The following NAALADL2 variants were observed in gnomAD, a reference collection of about 807,000 sequenced individuals.
NAALADL2 encodes inactive N-acetylated-alpha-linked acidic dipeptidase-like protein 2.
A neutral mutation model predicts 87.2 loss-of-function variants in NAALADL2; 76 were observed. That is an observed-to-expected ratio of 0.87 (90% CI 0.72 to 1.05). The LOEUF (loss-of-function observed/expected upper bound fraction) is 1.05. Ranked by LOEUF, NAALADL2 falls within the 50% of genes least tolerant of loss-of-function variation. NAALADL2 has a pLI of 0.00. For synonymous variants in NAALADL2, 354 were observed against 331.0 expected (o/e 1.07, Z -0.75); for missense variants, 1,089 against 945.8 (o/e 1.15, Z -1.99).
At chr3:175,529,547 T>C (rs1582268523) in intron 9 of NAALADL2, among the ~76,000 whole-genome samples, 1 of 152,146 alleles carries the variant, frequency 6.6e-6, no homozygotes, top group East Asian at 1.9e-4. Context: ...TACATGGCCT[T>C]CTGGAGAACT....
At chr3:174,940,701 C>T (rs576236127) in intron 1 of NAALADL2, among the ~76,000 whole-genome samples, 3 of 151,954 alleles carry the variant, frequency 2.0e-5, no homozygotes, top group South Asian at 2.1e-4. Context: ...AGCTCATTAT[C>T]GGTCTGATCA....
intron 2 of NAALADL2, among the ~76,000 whole-genome samples, chr3:175,104,223 T>C (rs1722714707): frequency 6.6e-6 from 1 of 152,168 alleles, no homozygotes; most frequent in Admixed American, 6.5e-5. Flanking sequence ...GCTGACGACT[T>C]ATACATTACC....
intron 2 of NAALADL2, among the ~76,000 whole-genome samples, chr3:175,219,783 G>C (rs144120424): frequency 2.0e-5 from 3 of 150,900 alleles, no homozygotes; most frequent in African/African-American, 7.3e-5. Context: ...ACAACCTTGA[G>C]TTTTCCAGCT....
intron 2 of NAALADL2, among the ~76,000 whole-genome samples, chr3:174,617,784 A>G (rs1023604237): frequency 8.6e-5 from 13 of 151,808 alleles, no homozygotes; most frequent in African/African-American, 3.1e-4. Context: ...GATAATTTAT[A>G]AACTGGGTGG....
intron 5 of NAALADL2, among the ~76,000 whole-genome samples, chr3:175,330,554 A>G (rs1761275622): frequency 6.6e-6 from 1 of 152,250 alleles, no homozygotes; most frequent in South Asian, 2.1e-4. Context: ...ATGGAAATGA[A>G]CAACATGCTC....
chr3:175,696,437 G>T (rs1737805319), intron 11 of NAALADL2, among the ~76,000 whole-genome samples: 1 of 152,070 alleles, frequency 6.6e-6, no homozygotes, highest in African/African-American at 2.4e-5. Flanking sequence ...TTTAGCCAGG[G>T]CTTGAGAGAA....
chr3:174,968,522 C>A (rs1232150909), intron 1 of NAALADL2, among the ~76,000 whole-genome samples: 1 of 152,072 alleles, frequency 6.6e-6, no homozygotes, highest in Non-Finnish European at 1.5e-5. Flanking sequence ...TTCTATCACC[C>A]AGGCTGCAGT....
chr3:174,466,766 C>G (rs562124190), intron 1 of NAALADL2, among the ~76,000 whole-genome samples: 5 of 152,220 alleles, frequency 3.3e-5, no homozygotes, highest in African/African-American at 1.2e-4. Context: ...CATTATCAAC[C>G]TTAACAAACT....
At chr3:174,460,478 T>C (rs558114523) in intron 1 of NAALADL2, among the ~76,000 whole-genome samples, 3 of 152,128 alleles carry the variant, frequency 2.0e-5, no homozygotes, top group Non-Finnish European at 2.9e-5. Context: ...ACAATAATGG[T>C]CACTATAGAT....
chr3:175,171,050 ATAT>A (rs1367294952), intron 2 of NAALADL2, among the ~76,000 whole-genome samples: 2 of 151,938 alleles, frequency 1.3e-5, no homozygotes, highest in Non-Finnish European at 2.9e-5. Context: ...AATAGAACAA[ATAT>A]TATTATTTGA....
rs116443889 is a variant in NAALADL2 at position 175,736,126 on chromosome 3, T to A, written c.1897-1180T>A. 4.2e-3 allele frequency among the ~76,000 whole-genome samples: 632 copies of A among 152,272 alleles called. 4 individuals carry two copies. The highest frequency in any genetic ancestry group is 0.017 in the Middle Eastern group (5 of 294). On this transcript the variant is annotated intron_variant, in intron 11 of 13. Coordinates refer to ENST00000454872, the MANE Select transcript of NAALADL2 (RefSeq NM_207015.3). Reference sequence around the variant, plus strand: ...GCATTTGCTGCCAGCCCTAAGGTCCTTTGAGATGTGTATGAATGCATATGA... The same window carrying A: ...GCATTTGCTGCCAGCCCTAAGGTCCATTGAGATGTGTATGAATGCATATGA...
At position 174,470,737 on chromosome 3, in the gene NAALADL2, A is replaced by G. The variant is rs189119035; in HGVS notation, c.-184+29705A>G. Among the ~76,000 whole-genome samples the G allele has an allele frequency of 8.4e-3, 1,283 of 152,042 alleles. 6 individuals carry two copies. The highest frequency in any genetic ancestry group is 0.011 in the Non-Finnish European group (732 of 67,938). On this transcript the variant is annotated intron_variant, in intron 1 of 3. Transcript: ENST00000434257. ...TTATTGAATAGGGTATCCTTTTCCTATTGTTTATTTTTGTCAACTTAATTG... is the reference window on the plus strand; with the variant it reads ...TTATTGAATAGGGTATCCTTTTCCTGTTGTTTATTTTTGTCAACTTAATTG...
intron 2 of NAALADL2, among the ~76,000 whole-genome samples, chr3:175,227,615 T>C (rs1416086981): frequency 6.6e-6 from 1 of 151,896 alleles, no homozygotes; most frequent in Non-Finnish European, 1.5e-5. Flanking sequence ...TATAGCAGAG[T>C]GGTTCACCAT....
intron 11 of NAALADL2, 90 bp from the exon 12 acceptor site, chr3:175,737,216 G>A (rs1039144384): frequency 2.6e-6 from 2 of 768,422 alleles, no homozygotes; most frequent in African/African-American, 1.7e-5. Context: ...TGCTCTAGAT[G>A]TATAAAAATA....
intron 3 of NAALADL2, among the ~76,000 whole-genome samples, chr3:174,831,033 T>C (rs1722615855): frequency 6.6e-6 from 1 of 150,976 alleles, no homozygotes; most frequent in African/African-American, 2.5e-5. Flanking sequence ...TTTCTAGATA[T>C]ACAATCATGT....
At chr3:175,098,659 C>G (rs1018223433) in intron 2 of NAALADL2, among the ~76,000 whole-genome samples, 2 of 152,176 alleles carry the variant, frequency 1.3e-5, no homozygotes, top group Non-Finnish European at 2.9e-5. Context: ...GAAACTCATT[C>G]TGAAGGGATC....
intron 9 of NAALADL2, among the ~76,000 whole-genome samples, chr3:175,527,542 G>T (rs1487902831): frequency 6.6e-6 from 1 of 152,046 alleles, no homozygotes; most frequent in Admixed American, 6.5e-5. Context: ...AGATAATACA[G>T]AAATAATACT....
chr3:174,855,630 A>C (rs1047231816), upstream of NAALADL2, among the ~76,000 whole-genome samples: 5 of 151,666 alleles, frequency 3.3e-5, no homozygotes, highest in Non-Finnish European at 5.9e-5. Flanking sequence ...AGACTCTTTT[A>C]TTCACCCTTT....
At chr3:175,068,335 G>A (rs143485473) in intron 1 of NAALADL2, among the ~76,000 whole-genome samples, 2 of 152,094 alleles carry the variant, frequency 1.3e-5, no homozygotes, top group African/African-American at 4.8e-5. Context: ...GTTATAGATG[G>A]ACATCATTTG....
Sources: allele counts gnomAD v4.1 joint callset (sites outside exome capture counted in the v4.1 genomes callset), GRCh38; gene constraint gnomAD v4.1.1; transcripts MANE v1.5; gene names NCBI Gene and HGNC (gene_info 2026-07-23, HGNC 2026-07-21).